Variants in TRIM44 observed in about 807,000 individuals in gnomAD.
The protein encoded by TRIM44 is tripartite motif containing 44, also known as tripartite motif-containing protein 44.
A neutral mutation model predicts 37.4 loss-of-function variants in TRIM44; 13 were observed. The observed-to-expected ratio is 0.35, with a 90% CI of 0.23 to 0.55. TRIM44 has a LOEUF of 0.55. TRIM44 is among the 20% of genes least tolerant of loss of function. The pLI is 0.89. For synonymous variants in TRIM44, 175 were observed against 157.2 expected (o/e 1.11, Z -0.85); for missense variants, 426 against 437.2 (o/e 0.97, Z 0.23).
At chr11:35,743,903 G>A (rs1016415912) in intron 4 of TRIM44, among the ~76,000 whole-genome samples, 2 of 152,134 alleles carry the variant, frequency 1.3e-5, no homozygotes, top group African/African-American at 2.4e-5. Flanking sequence ...AAAAATTGTC[G>A]TAATGTGCTG....
At position 35,817,271 on chromosome 11, in the gene TRIM44, T is replaced by C. The variant is rs569901919; in HGVS notation, c.*10886T>C. Reference sequence around the variant, plus strand: ...CAGGTGGCACCACCAAAAGGCACCTTCTTTTCCCATGAAAAGAGGGAAGAG... The same window carrying C: ...CAGGTGGCACCACCAAAAGGCACCTCCTTTTCCCATGAAAAGAGGGAAGAG... On this transcript the variant is annotated 3_prime_UTR_variant, in exon 5 of 5. Coordinates refer to ENST00000299413, the MANE Select transcript of TRIM44 (RefSeq NM_017583.6). 1.3e-5 allele frequency: 2 copies of C among 152,186 alleles called. No individual in the cohort carries two copies. Among genetic ancestry groups the C allele is most frequent in the Non-Finnish European group, 2.9e-5 (2 of 68,026 alleles). 9.4% of individuals were successfully genotyped at this position (152,186 alleles called of 1,614,324 possible). A position where few individuals can be genotyped will look rare whatever the true frequency, so the allele number is the denominator to read the frequency against.
At chr11:35,713,308 T>A (rs1438085623) in intron 2 of TRIM44, among the ~76,000 whole-genome samples, 2 of 152,150 alleles carry the variant, frequency 1.3e-5, no homozygotes, top group Admixed American at 6.6e-5. Context: ...ATGATCCCCT[T>A]TTATAAATGA....
At chr11:35,727,339 G>T (rs1166433222) in intron 3 of TRIM44, among the ~76,000 whole-genome samples, 1 of 152,154 alleles carries the variant, frequency 6.6e-6, no homozygotes, top group African/African-American at 2.4e-5. Context: ...GACTCAGCAA[G>T]TCCATCCTTA....
chr11:35,663,892 CTTT>C, intron 1 of TRIM44, 112 bp downstream of exon 1: 1 of 1,308,510 alleles, frequency 7.6e-7, no homozygotes, highest in Non-Finnish European at 1.0e-6. Flanking sequence ...AGAAGCTAGT[CTTT>C]CCAACTTTTT....
At chr11:35,768,305 A>G (rs761686169) in intron 4 of TRIM44, among the ~76,000 whole-genome samples, 4 of 152,248 alleles carry the variant, frequency 2.6e-5, no homozygotes, top group Non-Finnish European at 5.9e-5. Context: ...TGGTAGCTGT[A>G]CAAGGTAGGT....
intron 2 of TRIM44, among the ~76,000 whole-genome samples, chr11:35,723,083 GTC>G (rs771514117): frequency 2.9e-5 from 4 of 139,508 alleles, no homozygotes; most frequent in Admixed American, 7.5e-5. Context: ...TCCCTCCCTC[GTC>G]TCTCTCTCTC....
At position 35,679,951 on chromosome 11, in the gene TRIM44, C is replaced by G. The variant is rs1851505631; in HGVS notation, c.670-5308C>G. ...GTAGTAAAACCTAGGTCTCCTTTCT[C>G]TTTGTGCAATGCTCTTTACATTTGG... On this transcript the variant is annotated intron_variant, in intron 1 of 4. Transcript: ENST00000299413. Among the ~76,000 whole-genome samples, 3 of 152,278 alleles carry G rather than the reference C, an allele frequency of 2.0e-5. No individual in the cohort carries two copies. In the South Asian group the frequency reaches 6.2e-4, roughly 32 times the overall value.
intron 2 of TRIM44, among the ~76,000 whole-genome samples, chr11:35,713,620 C>T (rs1852005533): frequency 2.0e-5 from 3 of 150,780 alleles, no homozygotes; most frequent in African/African-American, 4.9e-5. Context: ...TAATGAAGAT[C>T]CTGAAAATGA....
At chr11:35,694,962 G>T (rs1461029067) in intron 2 of TRIM44, among the ~76,000 whole-genome samples, 1 of 152,112 alleles carries the variant, frequency 6.6e-6, no homozygotes, top group African/African-American at 2.4e-5. Context: ...TAGTCCTCTT[G>T]CATGGGGAGA....
intron 4 of TRIM44, among the ~76,000 whole-genome samples, chr11:35,794,493 A>G (rs1853255969): frequency 6.6e-6 from 1 of 152,234 alleles, no homozygotes; most frequent in Non-Finnish European, 1.5e-5. Context: ...TCACTGTAAC[A>G]GTATTCCCTG....
chr11:35,791,206 G>T (rs992279998), intron 4 of TRIM44, among the ~76,000 whole-genome samples: 1 of 152,106 alleles, frequency 6.6e-6, no homozygotes, highest in African/African-American at 2.4e-5. Context: ...CTTCCAAGCT[G>T]AGTTGTAGAT....
chr11:35,729,990 A>G (rs1033871910), intron 3 of TRIM44, among the ~76,000 whole-genome samples: 1 of 152,196 alleles, frequency 6.6e-6, no homozygotes, highest in African/African-American at 2.4e-5. Context: ...AATAAAATGA[A>G]ATGAAAATCT....
intron 1 of TRIM44, among the ~76,000 whole-genome samples, chr11:35,672,282 T>G (rs1590491653): frequency 1.3e-5 from 2 of 152,248 alleles, no homozygotes; most frequent in South Asian, 4.1e-4. Flanking sequence ...TTTGCCTTAC[T>G]ACATACGATA....
chr11:35,741,989 A>C (rs1647212226), intron 4 of TRIM44, among the ~76,000 whole-genome samples: 4 of 152,118 alleles, frequency 2.6e-5, no homozygotes, highest in Admixed American at 2.6e-4. Flanking sequence ...AGAGTGTAAT[A>C]GTACAATCAC....
At chr11:35,727,764 G>C (rs1403667792) in intron 3 of TRIM44, among the ~76,000 whole-genome samples, 1 of 152,192 alleles carries the variant, frequency 6.6e-6, no homozygotes, top group Non-Finnish European at 1.5e-5. Flanking sequence ...ATTTAAGTCT[G>C]TGCTATTTCA....
rs1853526387 is a variant in TRIM44, at chr11:35,811,405, G to A, written c.*5020G>A. 6.6e-6 allele frequency: 1 copy of A among 151,862 alleles called. No homozygotes were observed. Among genetic ancestry groups the A allele is most frequent in the Non-Finnish European group, 1.5e-5 (1 of 68,016 alleles). The allele number at this position is 151,862 out of a possible 1,614,324, so 9.4% of individuals were successfully genotyped here. A position where few individuals can be genotyped will look rare whatever the true frequency, so the allele number is the denominator to read the frequency against. ...AGAATTTGGATGAACTAGAAGGAAG[G>A]TAAAATTGTAATTTTTGCCATATTT... On this transcript the variant is annotated 3_prime_UTR_variant, in exon 5 of 5. Transcript: ENST00000299413.
chr11:35,760,288 G>T (rs974347609), intron 4 of TRIM44, among the ~76,000 whole-genome samples: 1 of 152,204 alleles, frequency 6.6e-6, no homozygotes, highest in East Asian at 1.9e-4. Context: ...AGGACCCTCC[G>T]AGCCAGGCAT....
At chr11:35,720,765 T>C (rs1044486414) in intron 2 of TRIM44, among the ~76,000 whole-genome samples, 1 of 152,120 alleles carries the variant, frequency 6.6e-6, no homozygotes, top group Non-Finnish European at 1.5e-5. Context: ...GTGTTGAGTT[T>C]TGTCAGGTGA....
intron 2 of TRIM44, among the ~76,000 whole-genome samples, chr11:35,685,897 C>T (rs1851571208): frequency 6.6e-6 from 1 of 152,112 alleles, no homozygotes; most frequent in Non-Finnish European, 1.5e-5. Context: ...CTCCTGACCT[C>T]GTGATCCGCC....
Sources: allele counts gnomAD v4.1 joint callset (sites outside exome capture counted in the v4.1 genomes callset), GRCh38; gene constraint gnomAD v4.1.1; transcripts MANE v1.5; gene names NCBI Gene and HGNC (gene_info 2026-07-23, HGNC 2026-07-21).